Variants in SLC1A3 observed in about 807,000 individuals in gnomAD.
SLC1A3 encodes the protein solute carrier family 1 member 3.
A neutral mutation model predicts 48.1 loss-of-function variants in SLC1A3; 21 were observed. The observed-to-expected ratio is 0.44, with a 90% CI of 0.31 to 0.63. The LOEUF is 0.63. SLC1A3 is among the 20% of genes least tolerant of loss of function. The pLI is 0.08. For synonymous variants in SLC1A3, 239 were observed against 251.4 expected, an observed-to-expected ratio of 0.95 and a Z score of 0.47; for missense variants, 546 against 689.0, an observed-to-expected ratio of 0.79 and a Z score of 2.32.
At chr5:36,649,912 C>A (rs1740992750) in intron 3 of SLC1A3, among the ~76,000 whole-genome samples, 1 of 152,216 alleles carries the variant, frequency 6.6e-6, no homozygotes, top group African/African-American at 2.4e-5. Context: ...TGGGCCTTCC[C>A]CATTGAAAAT....
intron 6 of SLC1A3, among the ~76,000 whole-genome samples, 167 bp downstream of exon 6, chr5:36,677,351 C>A (rs929627111): frequency 6.6e-6 from 1 of 152,198 alleles, no homozygotes; most frequent in Admixed American, 6.5e-5. Flanking sequence ...AGGCCTTGAA[C>A]CTATCTGCAA....
chr5:36,606,116 G>C (rs1738926659), upstream of SLC1A3, among the ~76,000 whole-genome samples: 1 of 152,200 alleles, frequency 6.6e-6, no homozygotes, highest in Admixed American at 6.5e-5. Context: ...GAGAATCGTA[G>C]TAAGCATTAT....
intron 3 of SLC1A3, among the ~76,000 whole-genome samples, chr5:36,638,955 C>T (rs184843461): frequency 1.8e-4 from 28 of 152,308 alleles, no homozygotes; most frequent in African/African-American, 6.5e-4. Context: ...CATGAGTCAC[C>T]GCGCCTGGCT....
At chr5:36,647,644 CT>C (rs1740890102) in intron 3 of SLC1A3, among the ~76,000 whole-genome samples, 1 of 152,124 alleles carries the variant, frequency 6.6e-6, no homozygotes, top group Non-Finnish European at 1.5e-5. Context: ...CCGAAGAGCA[CT>C]TATAAACATT....
intron 2 of SLC1A3, among the ~76,000 whole-genome samples, chr5:36,624,639 T>C (rs1404567568): frequency 6.6e-6 from 1 of 152,230 alleles, no homozygotes; most frequent in Non-Finnish European, 1.5e-5. Flanking sequence ...GCTGTTGCTG[T>C]TAAGGATGCA....
intron 3 of SLC1A3, among the ~76,000 whole-genome samples, chr5:36,633,228 A>G (rs1458273690): frequency 6.6e-6 from 1 of 152,184 alleles, no homozygotes; most frequent in Non-Finnish European, 1.5e-5. Context: ...TTCAGAAACT[A>G]GTGCTTTCTT....
At chr5:36,622,679 T>C (rs530546440) in intron 2 of SLC1A3, among the ~76,000 whole-genome samples, 1 of 152,262 alleles carries the variant, frequency 6.6e-6, no homozygotes, top group South Asian at 2.1e-4. Flanking sequence ...CGTTGTGTCT[T>C]AGTTTAGAAA....
chr5:36,674,134 T>C (rs1742107210), intron 5 of SLC1A3, 43 bp downstream of exon 5: 1 of 1,522,476 alleles, frequency 6.6e-7, no homozygotes, highest in Non-Finnish European at 9.1e-7. Context: ...AAATTCCTCT[T>C]TTCTATACCA....
At chr5:36,630,546 CCT>C (rs1740096881) in intron 3 of SLC1A3, 1 of 152,212 alleles carries the variant, frequency 6.6e-6, no homozygotes, top group South Asian at 2.1e-4. Flanking sequence ...TCACTGTTCC[CCT>C]GTTGGGCATA....
chr5:36,671,606 C>T (rs559339686), intron 4 of SLC1A3, among the ~76,000 whole-genome samples: 1 of 152,192 alleles, frequency 6.6e-6, no homozygotes, highest in South Asian at 2.1e-4. Context: ...TTCTTTGGAC[C>T]CTTCTGATTT....
Position 36,676,914 on chromosome 5 carries a change from G to A in SLC1A3, c.590G>A (p.Arg197Lys), listed in dbSNP as rs1554045196. ...AAGTTTAAAACCAACTATGAGAAGA[G>A]AAGCTTTAAAGTGCCCATCCAGGCC... ...FKQFKTNYEK[R>K]SFKVPIQANE... is the part of the protein sequence containing the mutation. The change falls in exon 6 of 10, where the codon AGA (arginine) becomes AAA (lysine). Residue 197 changes from arginine (R) to lysine (K), a missense_variant. This residue lies in a region of SLC1A3 where 348 missense variants were observed against 392.0 expected (regional missense o/e 0.89). Transcript: ENST00000265113. The A allele has an allele frequency of 2.5e-6, 4 of 1,613,632 alleles. No individual in the cohort carries two copies. Among genetic ancestry groups the A allele is most frequent in the Admixed American group, 3.3e-5 (2 of 59,986 alleles).
chr5:36,653,642 G>GAC (rs1741173201), intron 3 of SLC1A3, among the ~76,000 whole-genome samples: 1 of 152,128 alleles, frequency 6.6e-6, no homozygotes, highest in South Asian at 2.1e-4. Flanking sequence ...CCTCACTTCT[G>GAC]ACACACACAG....
intron 3 of SLC1A3, among the ~76,000 whole-genome samples, chr5:36,661,225 A>T (rs529822202): frequency 6.6e-6 from 1 of 152,208 alleles, no homozygotes; most frequent in Non-Finnish European, 1.5e-5. Context: ...CAGACAGGCC[A>T]ACGTGGCGAA....
At chr5:36,682,809 A>G (rs1369442412) in intron 8 of SLC1A3, among the ~76,000 whole-genome samples, 1 of 152,224 alleles carries the variant, frequency 6.6e-6, no homozygotes, top group Non-Finnish European at 1.5e-5. Flanking sequence ...CTAAGCTTCA[A>G]GGGAGGTTGG....
chr5:36,658,392 T>C (rs1741368284), intron 3 of SLC1A3, among the ~76,000 whole-genome samples: 1 of 152,096 alleles, frequency 6.6e-6, no homozygotes, highest in Non-Finnish European at 1.5e-5. Flanking sequence ...CATTGACTGG[T>C]AGGCAGTGGG....
chr5:36,636,499 C>CTTTCTTTCTTTA (rs1740382739), intron 3 of SLC1A3: 1 of 127,444 alleles, frequency 7.8e-6, no homozygotes, highest in Non-Finnish European at 1.6e-5. Context: ...TTCTTTCTTT[C>CTTTCTTTCTTTA]TTTCTTTTTC....
At chr5:36,672,987 T>C (rs1742057501) in intron 4 of SLC1A3, among the ~76,000 whole-genome samples, 1 of 152,206 alleles carries the variant, frequency 6.6e-6, no homozygotes, top group Admixed American at 6.5e-5. Flanking sequence ...CCCAGTCTGG[T>C]TGATCCATCA....
rs1741024808 is a variant in SLC1A3 at position 36,650,692 on chromosome 5, TAG to T, written c.320-20335_320-20334del. Reference sequence around the variant, plus strand: ...ACCATTGGTTTTCAGTCATGAGAGATAGATATAAGCATTAAAACTCTATAGCT... The same window carrying T: ...ACCATTGGTTTTCAGTCATGAGAGATATATAAGCATTAAAACTCTATAGCT... On this transcript the variant is annotated intron_variant, in intron 3 of 9. Coordinates refer to ENST00000265113, the MANE Select transcript of SLC1A3 (RefSeq NM_004172.5). Among the ~76,000 whole-genome samples the T allele has an allele frequency of 2.6e-5, 4 of 152,326 alleles. No individual in the cohort carries two copies. In the South Asian group the frequency reaches 8.3e-4, roughly 32 times the overall value.
In SLC1A3 at chr5:36,680,666, C is replaced by T. The variant is rs927005907; in HGVS notation, c.1289+77C>T. ...GGCGTGGTGGCTCACGCCTGTAATC[C>T]TAACACTTTGGGAGGCCAAGGCGGG... On this transcript the variant is annotated intron_variant, in intron 8 of 9. Coordinates refer to ENST00000265113, the MANE Select transcript of SLC1A3 (RefSeq NM_004172.5). The T allele has an allele frequency of 7.7e-6, 10 of 1,304,706 alleles. No homozygotes were observed. The Admixed American group carries it at 8.4e-5, about 11-fold the overall frequency. 80.8% of individuals were successfully genotyped at this position (1,304,706 alleles called of 1,614,324 possible).
Sources: allele counts gnomAD v4.1 joint callset (sites outside exome capture counted in the v4.1 genomes callset), GRCh38; gene constraint gnomAD v4.1.1; regional missense constraint gnomAD v4.1.1; transcripts MANE v1.5; gene names NCBI Gene and HGNC (gene_info 2026-07-23, HGNC 2026-07-21).